Variants in SDHAF4 observed in about 807,000 individuals in gnomAD.
The protein encoded by SDHAF4 is succinate dehydrogenase assembly factor 4, mitochondrial.
In SDHAF4, 14 loss-of-function variants were observed where a neutral mutation model predicts 14.3. That is an observed-to-expected ratio of 0.98 (90% CI 0.65 to 1.53). The LOEUF (loss-of-function observed/expected upper bound fraction) is 1.53. Ranked by LOEUF, SDHAF4 falls within the 40% of genes most tolerant of loss-of-function variation. The pLI is 0.00. For missense variants in SDHAF4, 141 were observed against 129.3 expected (o/e 1.09, Z -0.44); for synonymous variants, 63 against 47.3 (o/e 1.33, Z -1.36).
chr6:70,587,450 C>T (rs1765214973), intron 2 of SDHAF4, among the ~76,000 whole-genome samples: 1 of 152,132 alleles, frequency 6.6e-6, no homozygotes, highest in Non-Finnish European at 1.5e-5. Context: ...TGAGATCACG[C>T]CACTCCACTA....
intron 2 of SDHAF4, among the ~76,000 whole-genome samples, chr6:70,581,671 A>T (rs1802324922): frequency 6.6e-6 from 1 of 151,834 alleles, no homozygotes; most frequent in African/African-American, 2.4e-5. Flanking sequence ...AGTGGCATGA[A>T]CACATGGCTC....
In SDHAF4 at chr6:70,568,878, C is replaced by T. The variant is rs984954988; in HGVS notation, c.64+1874C>T. Among the ~76,000 whole-genome samples, 7 of 151,388 alleles carry T rather than the reference C, an allele frequency of 4.6e-5. No homozygotes were observed. In the East Asian group the frequency reaches 1.4e-3, roughly 29 times the overall value. ...CCTACAGGGAAATGAAATGACACCT[C>T]ATTGTGATTTTGCTTTTCTCTGATT... On this transcript the variant is annotated intron_variant, in intron 1 of 2. Coordinates refer to ENST00000370474, the MANE Select transcript of SDHAF4 (RefSeq NM_145267.3).
the SDHAF4 span, among the ~76,000 whole-genome samples, chr6:70,597,992 G>A: frequency 6.6e-6 from 1 of 151,878 alleles, no homozygotes; most frequent in Non-Finnish European, 1.5e-5. Flanking sequence ...TGAATATGAG[G>A]GCATGTGTGA....
At chr6:70,572,668 A>G (rs1351679386) in intron 1 of SDHAF4, among the ~76,000 whole-genome samples, 3 of 151,900 alleles carry the variant, frequency 2.0e-5, no homozygotes, top group African/African-American at 7.3e-5. Flanking sequence ...TTAAACATGC[A>G]AATGGTGCAT....
chr6:70,597,205 C>T, the SDHAF4 span, among the ~76,000 whole-genome samples: 1 of 150,092 alleles, frequency 6.7e-6, no homozygotes, highest in Non-Finnish European at 1.5e-5. Context: ...GTGATCTCGG[C>T]TCACTGCAAC....
chr6:70,568,293 A>G (rs997516244), intron 1 of SDHAF4, among the ~76,000 whole-genome samples: 1 of 150,428 alleles, frequency 6.6e-6, no homozygotes. Context: ...ATATATGTAT[A>G]CACACACACA....
chr6:70,581,465 G>T (rs1479621068), intron 2 of SDHAF4, among the ~76,000 whole-genome samples: 1 of 152,072 alleles, frequency 6.6e-6, no homozygotes, highest in Admixed American at 6.6e-5. Flanking sequence ...AATACAGCAG[G>T]TACTCTTCAA....
rs1375574165 is a variant in SDHAF4, at chr6:70,575,668, TACCAGAA to T, written c.65-3743_65-3737del. 3.9e-5 allele frequency among the ~76,000 whole-genome samples: 6 copies of T among 152,252 alleles called. No individual in the cohort carries two copies. In the East Asian group the frequency reaches 1.2e-3, roughly 29 times the overall value. On this transcript the variant is annotated intron_variant, in intron 1 of 2. Transcript: ENST00000370474. ...TTTTGGCATTTCTGATTTATCAAAT[TACCAGAA>T]ACAAAAGTTTTGAGTTGTGTGTTGT...
At chr6:70,580,758 G>A (rs987175163) in intron 2 of SDHAF4, among the ~76,000 whole-genome samples, 1 of 152,100 alleles carries the variant, frequency 6.6e-6, no homozygotes, top group African/African-American at 2.4e-5. Flanking sequence ...CTTATATAAG[G>A]TACCTAGAAT....
At chr6:70,595,473 C>T in the SDHAF4 span, among the ~76,000 whole-genome samples, 1 of 152,298 alleles carries the variant, frequency 6.6e-6, no homozygotes, top group East Asian at 1.9e-4. Context: ...CTTCTAGTTG[C>T]AATTACTATG....
intron 2 of SDHAF4, among the ~76,000 whole-genome samples, chr6:70,586,378 T>C (rs556304140): frequency 1.3e-4 from 20 of 151,844 alleles, no homozygotes; most frequent in African/African-American, 4.8e-4. Flanking sequence ...CTTTGCACTT[T>C]CCCTTTCAAG....
intron 1 of SDHAF4, among the ~76,000 whole-genome samples, chr6:70,569,769 TTTTG>T (rs986716608): frequency 5.3e-5 from 8 of 152,238 alleles, no homozygotes; most frequent in African/African-American, 1.9e-4. Context: ...GTCTTGATCC[TTTTG>T]TTTATTGTGA....
chr6:70,569,016 A>G (rs1234619731), intron 1 of SDHAF4, among the ~76,000 whole-genome samples: 1 of 116,320 alleles, frequency 8.6e-6, no homozygotes, highest in Admixed American at 1.3e-4. Context: ...CCCGGGCTGG[A>G]GTGCAGTGGC....
intron 1 of SDHAF4, among the ~76,000 whole-genome samples, chr6:70,568,938 T>C (rs1340414431): frequency 1.3e-5 from 2 of 151,774 alleles, no homozygotes; most frequent in Non-Finnish European, 2.9e-5. Context: ...TATTCACTTT[T>C]TGTGAAATAC....
At chr6:70,593,630 G>A (rs955411973), downstream of SDHAF4, among the ~76,000 whole-genome samples, 13 of 152,218 alleles carry the variant, frequency 8.5e-5, no homozygotes, top group Admixed American at 2.6e-4. Flanking sequence ...CCCTACCTCA[G>A]TGTTCACAGG....
At chr6:70,571,131 AATG>A (rs1173685930) in intron 1 of SDHAF4, among the ~76,000 whole-genome samples, 2 of 151,908 alleles carry the variant, frequency 1.3e-5, no homozygotes, top group East Asian at 1.9e-4. Flanking sequence ...TTTGTTTTTT[AATG>A]ATGAATAAAT....
At chr6:70,597,285 A>T in the SDHAF4 span, among the ~76,000 whole-genome samples, 2 of 142,452 alleles carry the variant, frequency 1.4e-5, no homozygotes, top group Non-Finnish European at 3.0e-5. Flanking sequence ...GGCACCTGCC[A>T]CCACGCCTGG....
chr6:70,594,642 A>G, the SDHAF4 span, among the ~76,000 whole-genome samples: 3 of 152,280 alleles, frequency 2.0e-5, no homozygotes, highest in South Asian at 2.1e-4. Flanking sequence ...GCCGGGTGCA[A>G]TGGCTCACGC....
In SDHAF4 at chr6:70,569,975, C is replaced by T. The variant is rs545822779; in HGVS notation, c.64+2971C>T. Among the ~76,000 whole-genome samples the T allele has an allele frequency of 2.6e-5, 4 of 152,114 alleles. No individual in the cohort carries two copies. In the South Asian group the frequency reaches 8.3e-4, roughly 32 times the overall value. On this transcript the variant is annotated intron_variant, in intron 1 of 2. Coordinates refer to ENST00000370474, the MANE Select transcript of SDHAF4 (RefSeq NM_145267.3). Reference sequence around the variant, plus strand: ...TTTTTTTTCATATCAAACACTTGTCCCAGGTTCATGTATTTATAGGACCTT... The same window carrying T: ...TTTTTTTTCATATCAAACACTTGTCTCAGGTTCATGTATTTATAGGACCTT...
Sources: allele counts gnomAD v4.1 joint callset (sites outside exome capture counted in the v4.1 genomes callset), GRCh38; gene constraint gnomAD v4.1.1; transcripts MANE v1.5; gene names NCBI Gene and HGNC (gene_info 2026-07-23, HGNC 2026-07-21).